The following OPCML variants were observed in gnomAD, a reference collection of about 807,000 sequenced individuals.
The protein encoded by OPCML is opioid-binding protein/cell adhesion molecule.
In OPCML, 13 loss-of-function variants were observed where a neutral mutation model predicts 37.8. The ratio of observed to expected loss-of-function variants is 0.34; its 90% CI spans 0.22 to 0.55. The LOEUF is 0.55. Ranked by LOEUF, OPCML falls within the 20% of genes least tolerant of loss-of-function variation. OPCML has a pLI of 0.91. For synonymous variants in OPCML, 176 were observed against 168.8 expected, an observed-to-expected ratio of 1.04 and a Z score of -0.33; for missense variants, 341 against 435.6, an observed-to-expected ratio of 0.78 and a Z score of 1.93.
intron 1 of OPCML, among the ~76,000 whole-genome samples, chr11:133,198,185 C>A (rs492972): frequency 0.54 from 82,899 of 152,122 alleles, 24,687 homozygotes; most frequent in African/African-American, 0.79. Context: ...GGATATGATG[C>A]AGCTGTTTAA....
intron 3 of OPCML, among the ~76,000 whole-genome samples, chr11:132,607,255 G>A (rs1247033641): frequency 6.6e-6 from 1 of 152,206 alleles, no homozygotes; most frequent in African/African-American, 2.4e-5. Context: ...TGTCATTGCT[G>A]CCAGGGAAGA....
At chr11:132,889,778 T>G (rs1943573630) in intron 2 of OPCML, among the ~76,000 whole-genome samples, 1 of 152,226 alleles carries the variant, frequency 6.6e-6, no homozygotes, top group African/African-American at 2.4e-5. Context: ...GAGGTTTGTC[T>G]GAATAAATAC....
At chr11:132,906,161 G>A (rs1049574303) in intron 2 of OPCML, among the ~76,000 whole-genome samples, 9 of 152,004 alleles carry the variant, frequency 5.9e-5, no homozygotes, top group Non-Finnish European at 1.0e-4. Context: ...ACCTTTCATC[G>A]ATGCATTAAT....
chr11:132,736,774 C>A (rs1207141923), intron 2 of OPCML, among the ~76,000 whole-genome samples: 1 of 152,142 alleles, frequency 6.6e-6, no homozygotes, highest in Non-Finnish European at 1.5e-5. Context: ...CAGGTAAGCC[C>A]TTATGACCAC....
chr11:133,071,165 T>C (rs1454387954), intron 1 of OPCML, among the ~76,000 whole-genome samples: 1 of 152,252 alleles, frequency 6.6e-6, no homozygotes, highest in Non-Finnish European at 1.5e-5. Context: ...GACAGGCAGC[T>C]CATCAAAGAT....
chr11:133,348,788 A>T (rs139942183), intron 1 of OPCML, among the ~76,000 whole-genome samples: 1 of 152,328 alleles, frequency 6.6e-6, no homozygotes, highest in African/African-American at 2.4e-5. Context: ...GGTGAGGTAG[A>T]CCATGTGGGA....
chr11:133,335,826 G>A (rs1034643314), intron 1 of OPCML, among the ~76,000 whole-genome samples: 3 of 152,012 alleles, frequency 2.0e-5, no homozygotes, highest in Admixed American at 6.6e-5. Context: ...CTGATAACCC[G>A]TTGAGGTCCA....
At position 133,206,213 on chromosome 11, in the gene OPCML, A is replaced by G. The variant is rs983259183; in HGVS notation, c.62-263203T>C. On this transcript the variant is annotated intron_variant, in intron 1 of 7. Transcript: ENST00000524381. The surrounding 1 kb of genome is among the most constrained non-coding windows in gnomAD (Gnocchi z 4.7). ...GGTGCCTAAAACGTCATCAATGCTC[A>G]ATGAATGCGAGCAGTACATTAAAGA... Among the ~76,000 whole-genome samples, 4 of 152,224 alleles carry G rather than the reference A, an allele frequency of 2.6e-5. No homozygotes were observed. Among genetic ancestry groups the G allele is most frequent in the African/African-American group, 9.6e-5 (4 of 41,456 alleles).
intron 2 of OPCML, among the ~76,000 whole-genome samples, chr11:132,728,506 T>C (rs1367156943): frequency 1.3e-5 from 2 of 152,148 alleles, no homozygotes; most frequent in Non-Finnish European, 2.9e-5. Context: ...TATATACTAA[T>C]TGCTACTAAT....
intron 3 of OPCML, among the ~76,000 whole-genome samples, chr11:132,597,055 T>C (rs1160204506): frequency 6.6e-6 from 1 of 152,228 alleles, no homozygotes; most frequent in Non-Finnish European, 1.5e-5. Context: ...ATTGAGACAC[T>C]ATCCTTTTGG....
At chr11:132,901,741 G>C (rs1457874555) in intron 2 of OPCML, among the ~76,000 whole-genome samples, 2 of 152,168 alleles carry the variant, frequency 1.3e-5, no homozygotes. Context: ...AGAATCATCA[G>C]TAGTAGTGAA....
chr11:133,068,772 AT>A (rs1194487321), intron 1 of OPCML, among the ~76,000 whole-genome samples: 1 of 152,122 alleles, frequency 6.6e-6, no homozygotes, highest in Non-Finnish European at 1.5e-5. Context: ...TTGACATCTT[AT>A]TTGGTTGGGT....
chr11:132,429,005 A>G (rs1381764194), intron 7 of OPCML, among the ~76,000 whole-genome samples: 1 of 151,520 alleles, frequency 6.6e-6, no homozygotes, highest in African/African-American at 2.4e-5. Flanking sequence ...GCACTAAACA[A>G]ATATTTGTTG....
At chr11:133,131,822 A>G (rs1949608734) in intron 1 of OPCML, among the ~76,000 whole-genome samples, 2 of 152,196 alleles carry the variant, frequency 1.3e-5, no homozygotes, top group South Asian at 4.1e-4. Flanking sequence ...TTATATGGAC[A>G]ACTGGTTTTT....
chr11:133,427,330 T>C (rs1325538160), intron 1 of OPCML, among the ~76,000 whole-genome samples: 1 of 139,898 alleles, frequency 7.1e-6, no homozygotes, highest in Non-Finnish European at 1.5e-5. Flanking sequence ...AAAAACTTAA[T>C]AAGCAGGAAA....
intron 3 of OPCML, among the ~76,000 whole-genome samples, chr11:132,604,716 ATCT>A (rs1268105550): frequency 1.3e-5 from 2 of 152,178 alleles, no homozygotes; most frequent in African/African-American, 4.8e-5. Context: ...CGACTTTGTC[ATCT>A]TCTTCTTCTC....
chr11:132,619,644 C>T, intron 3 of OPCML, among the ~76,000 whole-genome samples: 1 of 149,664 alleles, frequency 6.7e-6, no homozygotes, highest in South Asian at 2.1e-4. Context: ...CAAGACCATC[C>T]TGGCTAACAT....
chr11:133,088,472 C>T (rs189348304), intron 1 of OPCML, among the ~76,000 whole-genome samples: 166 of 152,294 alleles, frequency 1.1e-3, no homozygotes, highest in Non-Finnish European at 2.0e-3. Flanking sequence ...GTGACAGTCC[C>T]AGTGGACACT....
chr11:133,373,324 A>T (rs1215991796), intron 1 of OPCML, among the ~76,000 whole-genome samples: 1 of 151,384 alleles, frequency 6.6e-6, no homozygotes, highest in Non-Finnish European at 1.5e-5. Context: ...ACACTTTGGG[A>T]GGCTGAGGCG....
Sources: gnomAD v4.1 joint callset for allele counts (sites outside exome capture counted in the v4.1 genomes callset) on GRCh38, gnomAD v4.1.1 for gene constraint, Gnocchi (gnomAD v3.1) non-coding constraint, MANE v1.5 for transcripts, NCBI Gene and HGNC (gene_info 2026-07-23, HGNC 2026-07-21) for gene names.